The following PHACTR1 variants were observed in gnomAD, a reference collection of about 807,000 sequenced individuals.
PHACTR1 encodes phosphatase and actin regulator 1, also known as RPEL repeat containing 1.
PHACTR1 carries 16 observed loss-of-function variants against 69.2 expected under a neutral mutation model. That is an observed-to-expected ratio of 0.23 (90% confidence interval 0.16 to 0.35). PHACTR1 has a LOEUF of 0.35. Ranked by LOEUF, PHACTR1 falls within the 10% of genes least tolerant of loss-of-function variation. The pLI is 1.00. For synonymous variants in PHACTR1, 312 were observed against 284.5 expected (o/e 1.10, Z -0.97); for missense variants, 510 against 734.7 (o/e 0.69, Z 3.54).
At chr6:12,833,848 C>G (rs921719608) in intron 4 of PHACTR1, among the ~76,000 whole-genome samples, 1 of 152,070 alleles carries the variant, frequency 6.6e-6, no homozygotes, top group Non-Finnish European at 1.5e-5. Context: ...CTGGCCCAGC[C>G]TCCCTCTCCT....
At chr6:13,205,344 G>T (rs773168239) in intron 7 of PHACTR1, among the ~76,000 whole-genome samples, 2 of 152,132 alleles carry the variant, frequency 1.3e-5, no homozygotes, top group Admixed American at 6.5e-5. Flanking sequence ...CCTCCCACTA[G>T]GCCCCACCTG....
Position 13,227,756 on chromosome 6 carries a change from T to C in PHACTR1, c.987-60T>C, listed in dbSNP as rs147436742. Reference sequence around the variant, plus strand: ...CAACTGAGTTTTAAAATGGTTTTGATGCATTTATATAGCACGTTAGCCAAA... The same window carrying C: ...CAACTGAGTTTTAAAATGGTTTTGACGCATTTATATAGCACGTTAGCCAAA... On this transcript the variant is annotated intron_variant, in intron 8 of 14. Transcript: ENST00000332995. 5.1e-6 allele frequency: 8 copies of C among 1,568,630 alleles called. No homozygotes were observed. The African/African-American group carries it at 8.2e-5, about 16-fold the overall frequency.
chr6:12,987,051 A>ATC (rs1751991988), intron 4 of PHACTR1, among the ~76,000 whole-genome samples: 1 of 152,180 alleles, frequency 6.6e-6, no homozygotes, highest in Non-Finnish European at 1.5e-5. Context: ...GAATATATAT[A>ATC]TCCACACATC....
intron 4 of PHACTR1, among the ~76,000 whole-genome samples, chr6:12,925,955 C>G (rs1788229871): frequency 6.6e-6 from 1 of 152,156 alleles, no homozygotes; most frequent in Non-Finnish European, 1.5e-5. Flanking sequence ...CCATTATCAC[C>G]TATCTCTTTT....
At chr6:12,816,106 T>C (rs1247927344) in intron 4 of PHACTR1, among the ~76,000 whole-genome samples, 1 of 152,202 alleles carries the variant, frequency 6.6e-6, no homozygotes, top group African/African-American at 2.4e-5. Context: ...TGTCCACCAA[T>C]GCTACCTTAA....
At chr6:12,726,378 T>C (rs1337752358) in intron 3 of PHACTR1, among the ~76,000 whole-genome samples, 2 of 152,174 alleles carry the variant, frequency 1.3e-5, no homozygotes, top group African/African-American at 2.4e-5. Flanking sequence ...GCTCTGAACA[T>C]GTCCAGAAAG....
intron 5 of PHACTR1, among the ~76,000 whole-genome samples, chr6:13,139,804 A>C (rs1302390515): frequency 2.0e-5 from 3 of 152,132 alleles, no homozygotes; most frequent in African/African-American, 7.2e-5. Flanking sequence ...AAATAAAACC[A>C]CAATAATAAA....
In PHACTR1 at chr6:13,246,773, T is replaced by C. The variant is rs1773633899; in HGVS notation, c.1391+16580T>C. On this transcript the variant is annotated intron_variant, in intron 10 of 14. Coordinates refer to ENST00000332995, the MANE Select transcript of PHACTR1 (RefSeq NM_030948.6). The surrounding 1 kb of genome is among the most constrained non-coding windows in gnomAD (Gnocchi z 4.2). ...GCAGAACGAGATTACAACTGAGAAA[T>C]TTGCAGTACAGTTGTTCTTCACGTG... is the stretch of plus-strand genomic sequence containing the variant. Among the ~76,000 whole-genome samples the C allele has an allele frequency of 1.3e-5, 2 of 152,224 alleles. No individual in the cohort carries two copies. Among genetic ancestry groups the C allele is most frequent in the Non-Finnish European group, 2.9e-5 (2 of 68,044 alleles).
At chr6:12,929,336 T>C (rs2127525850) in intron 4 of PHACTR1, among the ~76,000 whole-genome samples, 1 of 152,234 alleles carries the variant, frequency 6.6e-6, no homozygotes, top group African/African-American at 2.4e-5. Flanking sequence ...AGCGTTTATC[T>C]AGTAAGTCAC....
intron 9 of PHACTR1, among the ~76,000 whole-genome samples, chr6:13,229,689 G>C (rs926435153): frequency 2.0e-5 from 3 of 152,110 alleles, no homozygotes; most frequent in Admixed American, 2.0e-4. Flanking sequence ...TCCTCCTCGT[G>C]AAACTTCCCC....
chr6:13,193,357 G>GTGTATATATATATATATATA (rs536184609), intron 7 of PHACTR1, among the ~76,000 whole-genome samples: 14 of 68,194 alleles, frequency 2.1e-4, no homozygotes, highest in Middle Eastern at 8.8e-3. Context: ...AGCTCTCTGT[G>GTGTATATATATATATATATA]TATATATATA....
At chr6:12,902,617 C>T (rs1014494141) in intron 4 of PHACTR1, among the ~76,000 whole-genome samples, 2 of 152,166 alleles carry the variant, frequency 1.3e-5, no homozygotes, top group African/African-American at 4.8e-5. Flanking sequence ...CACTTTTCTC[C>T]ACATCTTTCC....
intron 4 of PHACTR1, among the ~76,000 whole-genome samples, chr6:13,037,477 G>C (rs963962973): frequency 1.4e-4 from 22 of 152,198 alleles, no homozygotes; most frequent in African/African-American, 3.6e-4. Context: ...AGATAAGGGT[G>C]CAGCATTGTC....
chr6:12,855,504 C>T (rs909091431), intron 4 of PHACTR1, among the ~76,000 whole-genome samples: 6 of 152,200 alleles, frequency 3.9e-5, no homozygotes, highest in South Asian at 2.1e-4. Context: ...AATACTGATG[C>T]GGTTGGAGGC....
chr6:12,888,646 C>CT (rs2127465331), intron 4 of PHACTR1, among the ~76,000 whole-genome samples: 1 of 152,252 alleles, frequency 6.6e-6, no homozygotes, highest in East Asian at 1.9e-4. Flanking sequence ...GTTTTGCACT[C>CT]TAAGAAAGAA....
At chr6:13,015,045 A>G (rs1278212919) in intron 4 of PHACTR1, among the ~76,000 whole-genome samples, 1 of 152,236 alleles carries the variant, frequency 6.6e-6, no homozygotes, top group Non-Finnish European at 1.5e-5. Flanking sequence ...AGCCTTAGCT[A>G]CCGGCCGACC....
chr6:13,282,470 C>A (rs1780500201), intron 12 of PHACTR1, among the ~76,000 whole-genome samples: 2 of 152,148 alleles, frequency 1.3e-5, no homozygotes, highest in South Asian at 4.1e-4. Context: ...TCATCATGCA[C>A]CATCCAAAGG....
chr6:13,159,488 T>C (rs1758667750), intron 5 of PHACTR1, among the ~76,000 whole-genome samples: 1 of 152,182 alleles, frequency 6.6e-6, no homozygotes, highest in Non-Finnish European at 1.5e-5. Flanking sequence ...AGTACCATGT[T>C]CAGGAAAGTT....
chr6:13,019,070 A>ATT (rs10635069), intron 4 of PHACTR1, among the ~76,000 whole-genome samples: 21,239 of 142,438 alleles, frequency 0.15, 1,776 homozygotes, highest in East Asian at 0.27. Flanking sequence ...ATATATATAT[A>ATT]TATATTTTTT....
Sources: gnomAD v4.1 joint callset for allele counts (sites outside exome capture counted in the v4.1 genomes callset) on GRCh38, gnomAD v4.1.1 for gene constraint, Gnocchi (gnomAD v3.1) non-coding constraint, MANE v1.5 for transcripts, NCBI Gene and HGNC (gene_info 2026-07-23, HGNC 2026-07-21) for gene names.